Variants in ELOVL6 observed in about 807,000 individuals in gnomAD.
ELOVL6 encodes the protein ELOVL fatty acid elongase 6, also known as very long chain fatty acid elongase 6.
A neutral mutation model predicts 31.7 loss-of-function variants in ELOVL6; 8 were observed. That is an observed-to-expected ratio of 0.25 (90% CI 0.15 to 0.45). ELOVL6 has a LOEUF of 0.45. Among genes scored for constraint, ELOVL6 ranks in the 20% least tolerant of loss-of-function variants. The pLI is 1.00. For missense variants in ELOVL6, 126 were observed against 326.4 expected, an observed-to-expected ratio of 0.39 and a Z score of 4.73; for synonymous variants, 101 against 117.7, an observed-to-expected ratio of 0.86 and a Z score of 0.92.
intron 1 of ELOVL6, among the ~76,000 whole-genome samples, chr4:110,192,339 G>A (rs1759648983): frequency 6.6e-6 from 1 of 152,166 alleles, no homozygotes; most frequent in African/African-American, 2.4e-5. Flanking sequence ...AGGTTACGAG[G>A]AAGATTTCAG....
At chr4:110,093,106 A>G (rs1418098510) in intron 2 of ELOVL6, 3 of 452,092 alleles carry the variant, frequency 6.6e-6, no homozygotes, top group Non-Finnish European at 1.3e-5. Context: ...AGAATCTTAC[A>G]TGTCAGCTGT....
chr4:110,111,515 C>T (rs933687419), intron 1 of ELOVL6, among the ~76,000 whole-genome samples: 1 of 151,514 alleles, frequency 6.6e-6, no homozygotes, highest in Non-Finnish European at 1.5e-5. Flanking sequence ...GTTAGTAAGA[C>T]ATTGAATGAA....
At chr4:110,185,413 CCCACT>C (rs1759408928) in intron 1 of ELOVL6, among the ~76,000 whole-genome samples, 1 of 152,150 alleles carries the variant, frequency 6.6e-6, no homozygotes, top group African/African-American at 2.4e-5. Flanking sequence ...CACTCCTACC[CCCACT>C]CAAGAGCAAG....
intron 1 of ELOVL6, among the ~76,000 whole-genome samples, chr4:110,159,465 TTTC>T (rs1192847103): frequency 2.0e-5 from 3 of 152,020 alleles, no homozygotes; most frequent in African/African-American, 7.3e-5. Context: ...GTACACAGTT[TTTC>T]TTTTTTTTTT....
At chr4:110,189,218 G>A (rs1759534875) in intron 1 of ELOVL6, among the ~76,000 whole-genome samples, 1 of 152,042 alleles carries the variant, frequency 6.6e-6, no homozygotes, top group African/African-American at 2.4e-5. Flanking sequence ...AGCGGAGTTT[G>A]AGATTACAGT....
intron 2 of ELOVL6, among the ~76,000 whole-genome samples, chr4:110,061,009 A>T (rs939973027): frequency 6.6e-6 from 1 of 152,210 alleles, no homozygotes; most frequent in African/African-American, 2.4e-5. Context: ...AATTCCTGGC[A>T]ATTGTCTATT....
chr4:110,079,168 T>G (rs1388239479), intron 2 of ELOVL6, among the ~76,000 whole-genome samples: 2 of 152,114 alleles, frequency 1.3e-5, no homozygotes, highest in Admixed American at 6.5e-5. Flanking sequence ...ACTGTCAACA[T>G]TAGACAGATC....
At chr4:110,092,403 G>C (rs940909741) in intron 2 of ELOVL6, among the ~76,000 whole-genome samples, 2 of 152,160 alleles carry the variant, frequency 1.3e-5, no homozygotes, top group Admixed American at 6.5e-5. Flanking sequence ...GTAGGAAAAT[G>C]ATTTTCATTG....
chr4:110,148,436 A>G (rs1758188607), intron 1 of ELOVL6, among the ~76,000 whole-genome samples: 1 of 149,194 alleles, frequency 6.7e-6, no homozygotes, highest in African/African-American at 2.5e-5. Context: ...AAACAGTTGA[A>G]CTCATGGAGA....
intron 1 of ELOVL6, among the ~76,000 whole-genome samples, chr4:110,160,095 T>TACAC (rs71818366): frequency 6.7e-6 from 1 of 150,178 alleles, no homozygotes; most frequent in African/African-American, 2.5e-5. Context: ...GCTTACAACT[T>TACAC]ACACACACAC....
chr4:110,172,128 T>C (rs897300811), intron 1 of ELOVL6, among the ~76,000 whole-genome samples: 9 of 152,106 alleles, frequency 5.9e-5, no homozygotes, highest in African/African-American at 2.2e-4. Context: ...GACCCAGACA[T>C]GTGACTCTTG....
rs373173426 is a variant in ELOVL6 at position 110,182,031 on chromosome 4, C to T, written c.89+16216G>A. On this transcript the variant is annotated intron_variant, in intron 1 of 3. Coordinates refer to ENST00000302274, the MANE Select transcript of ELOVL6 (RefSeq NM_024090.3). ...GTGCAGCATCTGTTTCCAGGTGCCA[C>T]AAGGTCCCTGAGCCAATTATTCTAT... Among the ~76,000 whole-genome samples the T allele has an allele frequency of 3.9e-5, 6 of 152,194 alleles. No homozygotes were observed. In the East Asian group the frequency reaches 7.7e-4, roughly 20 times the overall value.
At chr4:110,173,150 CT>C (rs1387426887) in intron 1 of ELOVL6, among the ~76,000 whole-genome samples, 4 of 152,308 alleles carry the variant, frequency 2.6e-5, no homozygotes, top group African/African-American at 9.6e-5. Context: ...CACCTATGAC[CT>C]GCTTCTCCGC....
chr4:110,061,811 C>T (rs1372767595), intron 2 of ELOVL6, among the ~76,000 whole-genome samples: 1 of 152,058 alleles, frequency 6.6e-6, no homozygotes, highest in Non-Finnish European at 1.5e-5. Context: ...CTGCCTCGGC[C>T]TCCCAAAGTG....
At chr4:110,140,768 ATAT>A (rs1204071586) in intron 1 of ELOVL6, among the ~76,000 whole-genome samples, 1 of 150,614 alleles carries the variant, frequency 6.6e-6, no homozygotes, top group Non-Finnish European at 1.5e-5. Flanking sequence ...AAATGAATAT[ATAT>A]TATTATTATA....
intron 1 of ELOVL6, among the ~76,000 whole-genome samples, chr4:110,179,414 G>C (rs946470822): frequency 1.3e-5 from 2 of 152,182 alleles, no homozygotes; most frequent in Non-Finnish European, 2.9e-5. Context: ...GCTGAGACAG[G>C]AGAATTGCTT....
chr4:110,186,826 T>A (rs868334226), intron 1 of ELOVL6, among the ~76,000 whole-genome samples: 12 of 122,634 alleles, frequency 9.8e-5, no homozygotes, highest in African/African-American at 3.1e-4. Flanking sequence ...AAAAAAAATA[T>A]ATATATATAT....
chr4:110,087,795 AT>A (rs1379012773), intron 2 of ELOVL6, among the ~76,000 whole-genome samples: 3 of 144,488 alleles, frequency 2.1e-5, no homozygotes, highest in Non-Finnish European at 4.5e-5. Context: ...GTTACCTAAA[AT>A]AAAATTGTAA....
Position 110,113,227 on chromosome 4 carries a change from C to CAAAA in ELOVL6, c.90-7603_90-7600dup, listed in dbSNP as rs754003099. ...TGGGCGACAAAGCAAGACTCCGTCT[C>CAAAA]AAAAAAAAAAAAAAAAAGAGGAAAG... On this transcript the variant is annotated intron_variant, in intron 1 of 3. Coordinates refer to ENST00000302274, the MANE Select transcript of ELOVL6 (RefSeq NM_024090.3). Among the ~76,000 whole-genome samples, 471 of 107,476 alleles carry CAAAA rather than the reference C, an allele frequency of 4.4e-3. 2 individuals carry two copies. Among genetic ancestry groups the CAAAA allele is most frequent in the African/African-American group, 0.015 (428 of 27,624 alleles). The allele number at this position is 107,476 out of a possible 152,430, so 70.5% of individuals were successfully genotyped here. A position where few individuals can be genotyped will look rare whatever the true frequency, so the allele number is the denominator to read the frequency against.
Sources: gnomAD v4.1 joint callset for allele counts (sites outside exome capture counted in the v4.1 genomes callset) on GRCh38, gnomAD v4.1.1 for gene constraint, MANE v1.5 for transcripts, NCBI Gene and HGNC (gene_info 2026-07-23, HGNC 2026-07-21) for gene names.